Variants in WAC observed in about 807,000 individuals in gnomAD.
The protein encoded by WAC is WW domain-containing adapter protein with coiled-coil.
WAC carries 11 observed loss-of-function variants against 79.6 expected under a neutral mutation model. That is an observed-to-expected ratio of 0.14 (90% confidence interval 0.09 to 0.23). The LOEUF (loss-of-function observed/expected upper bound fraction) is 0.23, where lower values mean the gene tolerates loss of function less well. Among genes scored for constraint, WAC ranks in the 10% least tolerant of loss-of-function variants. The pLI is 1.00. For missense variants in WAC, 728 were observed against 773.5 expected (o/e 0.94, Z 0.70); for synonymous variants, 304 against 276.9 (o/e 1.10, Z -0.97).
In WAC at chr10:28,590,812, C is replaced by T; in HGVS notation, c.590C>T (p.Thr197Ile). 1 of 1,610,436 alleles carries T rather than the reference C, an allele frequency of 6.2e-7. No homozygotes were observed. The highest frequency in any genetic ancestry group is 8.5e-7 in the Non-Finnish European group (1 of 1,179,084). ...AGAGAGGTGATGCAAGCAACAGCCACTAGTGGGTTTGCCAGTGGAAGTAAG... is the reference window on the plus strand; with the variant it reads ...AGAGAGGTGATGCAAGCAACAGCCATTAGTGGGTTTGCCAGTGGAAGTAAG... ...YRREVMQATA[T>I]SGFASGMEDK... Residue 197 changes from threonine (T) to isoleucine (I), a missense_variant, in exon 6 of 14, where the codon ACT becomes ATT. Thr to Ile is a moderately conservative substitution (Grantham distance 89). This residue lies in a region of WAC where 648 missense variants were observed against 661.5 expected (regional missense o/e 0.98). Transcript: ENST00000354911.
intron 4 of WAC, among the ~76,000 whole-genome samples, chr10:28,587,351 T>C (rs1234900151): frequency 6.6e-6 from 1 of 152,258 alleles, no homozygotes; most frequent in Non-Finnish European, 1.5e-5. Flanking sequence ...TCTGTTATGA[T>C]ACATCCAGTG....
intron 3 of WAC, among the ~76,000 whole-genome samples, chr10:28,540,279 A>G (rs1836937677): frequency 6.6e-6 from 1 of 152,254 alleles, no homozygotes; most frequent in South Asian, 2.1e-4. Flanking sequence ...GCAACAGCTC[A>G]GTCTAGAAAC....
chr10:28,545,239 C>T (rs1837290264), intron 3 of WAC, among the ~76,000 whole-genome samples: 1 of 151,890 alleles, frequency 6.6e-6, no homozygotes, highest in Non-Finnish European at 1.5e-5. Context: ...TGCACGTAAT[C>T]CCAGCATTTT....
chr10:28,546,479 TCTG>T (rs1837354090), intron 3 of WAC, among the ~76,000 whole-genome samples: 1 of 152,324 alleles, frequency 6.6e-6, no homozygotes, highest in African/African-American at 2.4e-5. Flanking sequence ...TGGTTTCTGT[TCTG>T]CTGCCTGCTG....
At chr10:28,540,267 G>C (rs573773155) in intron 3 of WAC, among the ~76,000 whole-genome samples, 13 of 152,272 alleles carry the variant, frequency 8.5e-5, no homozygotes, top group African/African-American at 3.1e-4. Flanking sequence ...ATTGAACAGA[G>C]AGCAACAGCT....
chr10:28,583,641 GTTTA>G, intron 4 of WAC, 136 bp downstream of exon 4: 3 of 557,650 alleles, frequency 5.4e-6, no homozygotes, highest in Non-Finnish European at 8.9e-6. Context: ...GTCTTAATGT[GTTTA>G]TTTGATATTA....
At chr10:28,563,768 T>TATTTTTTA (rs1163512521) in intron 3 of WAC, among the ~76,000 whole-genome samples, 2 of 136,420 alleles carry the variant, frequency 1.5e-5, no homozygotes, top group African/African-American at 5.4e-5. Context: ...TTTTTTTTTT[T>TATTTTTTA]TTTTTGTATT....
chr10:28,594,409 T>G (rs1840249312), intron 6 of WAC, among the ~76,000 whole-genome samples: 1 of 152,228 alleles, frequency 6.6e-6, no homozygotes. Context: ...TTAAATTTTA[T>G]GTTCATGCAA....
chr10:28,603,770 T>C (rs1840752652), intron 7 of WAC, among the ~76,000 whole-genome samples: 1 of 150,836 alleles, frequency 6.6e-6, no homozygotes, highest in South Asian at 2.1e-4. Context: ...CCATCTCTAC[T>C]AAAAATACAA....
chr10:28,573,477 G>C (rs934079812), intron 3 of WAC, among the ~76,000 whole-genome samples: 1 of 152,052 alleles, frequency 6.6e-6, no homozygotes, highest in Non-Finnish European at 1.5e-5. Context: ...TTAGGCTTTC[G>C]CTTCCTAGGT....
At chr10:28,614,468 A>T in intron 10 of WAC, 99 bp from the exon 11 acceptor site, 1 of 918,880 alleles carries the variant, frequency 1.1e-6, no homozygotes, top group Non-Finnish European at 1.6e-6. Context: ...TCAGAACTTG[A>T]CTGCCACATT....
intron 3 of WAC, among the ~76,000 whole-genome samples, chr10:28,543,397 C>T (rs1406852526): frequency 2.0e-5 from 3 of 152,234 alleles, no homozygotes; most frequent in African/African-American, 7.2e-5. Context: ...ACATACTTTA[C>T]ATTCCCTTTT....
At chr10:28,600,727 T>C (rs187589458) in intron 7 of WAC, among the ~76,000 whole-genome samples, 3 of 152,106 alleles carry the variant, frequency 2.0e-5, no homozygotes, top group Admixed American at 1.3e-4. Context: ...TTTGACCACA[T>C]AGACATTTAA....
rs1249149706 is a variant in WAC, at chr10:28,611,808, A to G, written c.1323A>G (p.Thr441=). 12 of 1,614,188 alleles carry G rather than the reference A, an allele frequency of 7.4e-6. No individual in the cohort carries two copies. The South Asian group carries it at 1.2e-4, about 16-fold the overall frequency. Residue 441 remains threonine, a synonymous_variant, in exon 10 of 14, where the codon ACA becomes ACG. Transcript: ENST00000354911. ...QPSNQSPMSL[T]SDASSPRSYV... ...CTAATCAGTCTCCGATGTCTTTAAC[A>G]TCTGATGCGTCATCCCCAAGATCAT...
At chr10:28,565,050 G>T (rs1838524608) in intron 3 of WAC, among the ~76,000 whole-genome samples, 1 of 152,132 alleles carries the variant, frequency 6.6e-6, no homozygotes, top group East Asian at 1.9e-4. Context: ...CTCTAGTTTT[G>T]TCATTTCAGG....
At position 28,589,828 on chromosome 10, in the gene WAC, A is replaced by G. The variant is rs1473531929; in HGVS notation, c.474A>G (p.Glu158=). 3 of 1,613,024 alleles carry G rather than the reference A, an allele frequency of 1.9e-6. No homozygotes were observed. Among genetic ancestry groups the G allele is most frequent in the South Asian group, 1.1e-5 (1 of 91,050 alleles). The change falls in exon 5 of 14, where the codon GAA becomes GAG. Residue 158 remains glutamate (E), a synonymous_variant. Transcript: ENST00000354911. ...YNCRTEVSQW[E]KPKEWLEREQ... ...GTCGAACAGAAGTTTCACAATGGGA[A>G]AAACCAAAAGAGTGGCTTGAAAGGT...
At chr10:28,563,769 T>TTTTTTTTTTTTTTTTTTTTTTTTA (rs1163758803) in intron 3 of WAC, among the ~76,000 whole-genome samples, 1 of 120,554 alleles carries the variant, frequency 8.3e-6, no homozygotes, top group Non-Finnish European at 1.9e-5. Flanking sequence ...TTTTTTTTTT[T>TTTTTTTTTTTTTTTTTTTTTTTTA]TTTTGTATTT....
At chr10:28,559,369 C>G (rs373785055) in intron 3 of WAC, among the ~76,000 whole-genome samples, 2 of 151,958 alleles carry the variant, frequency 1.3e-5, no homozygotes, top group African/African-American at 4.8e-5. Flanking sequence ...AATGTCCAGG[C>G]CTTATGGTGA....
In WAC at chr10:28,533,470, C is replaced by T. The variant is rs1836389900; in HGVS notation, c.-110C>T. ...TGAGAGTCGCCGAGGGCGCGCCGGGCCCAGGTGCCGGGGCTGCCCGCCGCC... is the reference window on the plus strand; with the variant it reads ...TGAGAGTCGCCGAGGGCGCGCCGGGTCCAGGTGCCGGGGCTGCCCGCCGCC... On this transcript the variant is annotated 5_prime_UTR_variant, in exon 1 of 14. Transcript: ENST00000354911. The T allele has an allele frequency of 2.0e-5, 11 of 538,308 alleles. No individual in the cohort carries two copies. Among genetic ancestry groups the T allele is most frequent in the Non-Finnish European group, 2.7e-5 (11 of 415,086 alleles). The allele number at this position is 538,308 out of a possible 1,614,324, so 33.3% of individuals were successfully genotyped here. A position where few individuals can be genotyped will look rare whatever the true frequency, so the allele number is the denominator to read the frequency against.
Sources: gnomAD v4.1 joint callset for allele counts (sites outside exome capture counted in the v4.1 genomes callset) on GRCh38, gnomAD v4.1.1 for gene constraint, gnomAD v4.1.1 regional missense constraint, MANE v1.5 for transcripts, NCBI Gene and HGNC (gene_info 2026-07-23, HGNC 2026-07-21) for gene names.